The following TTN variants were observed in gnomAD, a reference collection of about 807,000 sequenced individuals.
TTN encodes the protein titin.
TTN carries 1,525 observed loss-of-function variants against 3,223.0 expected under a neutral mutation model. The ratio of observed to expected loss-of-function variants is 0.47; its 90% CI spans 0.45 to 0.49. The LOEUF (loss-of-function observed/expected upper bound fraction) is 0.49. Ranked by LOEUF, TTN falls within the 20% of genes least tolerant of loss-of-function variation. The pLI, the probability that TTN is intolerant of heterozygous loss-of-function variation, is 0.00. For synonymous variants in TTN, 14,094 were observed against 15,161.0 expected, an observed-to-expected ratio of 0.93 and a Z score of 5.17; for missense variants, 40,786 against 43,424.0, an observed-to-expected ratio of 0.94 and a Z score of 5.40.
intron 6 of TTN, among the ~76,000 whole-genome samples, chr2:178,796,722 T>TA (rs2093789212): frequency 6.6e-6 from 1 of 152,164 alleles, no homozygotes; most frequent in South Asian, 2.1e-4. Flanking sequence ...ATGGGTTTAA[T>TA]TCAAAAAGAG....
chr2:178,553,162 G>A lies in TTN; in HGVS notation c.89738C>T (p.Thr29913Ile), dbSNP rs1222720970. ...AGGTTCACCAACTCCATTTTCTATT[G>A]TGAGAATATATTTTCCTGTATCATT... is the stretch of plus-strand genomic sequence containing the variant. ...TRNDTGKYILTIENGVGEPKS... is the reference protein window; with the variant it reads ...TRNDTGKYILIIENGVGEPKS... Residue 29913 changes from threonine (T) to isoleucine (I), a missense_variant, in exon 335 of 363, where the codon ACA becomes ATA. Physicochemically the swap from Thr to Ile is moderately conservative, Grantham distance 89. Coordinates refer to ENST00000589042, the MANE Select transcript of TTN (RefSeq NM_001267550.2). 8.7e-6 allele frequency: 14 copies of A among 1,613,432 alleles called. No individual in the cohort carries two copies. Among genetic ancestry groups the A allele is most frequent in the African/African-American group, 4.0e-5 (3 of 74,940 alleles).
In TTN at chr2:178,694,849, T is replaced by C; in HGVS notation, c.31328A>G (p.Glu10443Gly). Residue 10443 changes from glutamate to glycine, a missense_variant, in exon 116 of 363, where the codon GAA becomes GGA. Coordinates refer to ENST00000589042, the MANE Select transcript of TTN (RefSeq NM_001267550.2). Reference protein sequence around the residue: ...IEKTSRRMEEEKVQVTKVPEV... With the variant: ...IEKTSRRMEEGKVQVTKVPEV... ...AATACCTTTGGTGACTTGAACTTTT[T>C]CTTCCTCCATTCTTCGAGAAGTCTT... The C allele has an allele frequency of 6.4e-7, 1 of 1,559,630 alleles. No homozygotes were observed. The highest frequency in any genetic ancestry group is 1.2e-5 in the South Asian group (1 of 84,664).
rs200355808 is a variant in TTN, at chr2:178,584,960, C to T, written c.64681G>A (p.Gly21561Ser). 61 of 1,612,844 alleles carry T rather than the reference C, an allele frequency of 3.8e-5. No homozygotes were observed. Among genetic ancestry groups the T allele is most frequent in the East Asian group, 1.3e-4 (6 of 44,736 alleles). The stretch of plus-strand genomic sequence containing the variant: ...ATGTCAAATGGAGGCTGAGGGGGGC[C>T]GGGGGCATCTACATGAACCAAGAGG... ...KIKVVVMDAP[G>S]PPQPPFDISD... is the part of the protein sequence containing the mutation. The change falls in exon 310 of 363, where the codon GGC becomes AGC. Residue 21561 changes from glycine (G) to serine (S), a missense_variant. Physicochemically the swap from Gly to Ser is moderately conservative, Grantham distance 56 (BLOSUM62 0). Transcript: ENST00000589042.
In TTN at chr2:178,735,010, G is replaced by A. The variant is rs377236581; in HGVS notation, c.14936-22C>T. 10 of 1,506,102 alleles carry A rather than the reference G, an allele frequency of 6.6e-6. No individual in the cohort carries two copies. The Admixed American group carries it at 1.2e-4, about 18-fold the overall frequency. 93.3% of individuals were successfully genotyped at this position (1,506,102 alleles called of 1,614,324 possible). ...GGCTCTACATGAAGTTTACAAAAAA[G>A]AAAAAGGAGAAGATATCTGAAACAT... On this transcript the variant is annotated intron_variant, in intron 50 of 362. Coordinates refer to ENST00000589042, the MANE Select transcript of TTN (RefSeq NM_001267550.2).
Position 178,672,246 on chromosome 2 carries a change from T to G in TTN, c.34952A>C (p.Lys11651Thr), listed in dbSNP as rs373656002. The change falls in exon 155 of 363, where the codon AAA becomes ACA. Residue 11651 changes from lysine (K) to threonine (T), a missense_variant. Physicochemically the swap from Lys to Thr is moderately conservative, Grantham distance 78. Coordinates refer to ENST00000589042, the MANE Select transcript of TTN (RefSeq NM_001267550.2). ...TTCTTGGCGGAAGGCAACTGATACT[T>G]TTTCTTCAAGGACAGTTCTCCCTGA... Reference protein sequence around the residue: ...PAKGRTVLEEKVSVAFRQEVV... With the variant: ...PAKGRTVLEETVSVAFRQEVV... 3.8e-6 allele frequency: 6 copies of G among 1,573,274 alleles called. No homozygotes were observed. In the African/African-American group the frequency reaches 8.2e-5, roughly 21 times the overall value.
Position 178,527,612 on chromosome 2 carries a change from G to T in TTN, c.107514C>A (p.Ser35838Arg). 6.2e-7 allele frequency: 1 copy of T among 1,613,962 alleles called. No homozygotes were observed. The highest frequency in any genetic ancestry group is 8.5e-7 in the Non-Finnish European group (1 of 1,179,848). Residue 35838 changes from serine (S) to arginine (R), a missense_variant, in exon 362 of 363, where the codon AGC (serine) becomes AGA (arginine). Ser to Arg is a moderately radical substitution (Grantham distance 110). Transcript: ENST00000589042. ...QEASFSSFSSSSASSMTEMKF... is the reference protein window; with the variant it reads ...QEASFSSFSSRSASSMTEMKF... ...TCATCTCAGTCATGCTGCTAGCACT[G>T]CTGCTGCTGAAACTGCTGAAGGAGG...
intron 350 of TTN, among the ~76,000 whole-genome samples, chr2:178,540,668 C>T (rs527370642): frequency 6.6e-6 from 1 of 152,112 alleles, no homozygotes; most frequent in African/African-American, 2.4e-5. Context: ...TGGTGGCAGG[C>T]ACCTGTAATC....
rs778412304 is a variant in TTN at position 178,738,330 on chromosome 2, G to A, written c.14123C>T (p.Pro4708Leu). 5.0e-6 allele frequency: 8 copies of A among 1,612,956 alleles called. No individual in the cohort carries two copies. The highest frequency in any genetic ancestry group is 6.8e-6 in the Non-Finnish European group (8 of 1,179,278). ...TAGGTGGCCCAGTGCTACTTCCAGG[G>A]GTTCGATTTTCCTCTTGATCACTGG... ...AAPVIKRKIE[P>L]LEVALGHLAK... Residue 4708 changes from proline (P) to leucine (L), a missense_variant, in exon 49 of 363, where the codon CCC becomes CTC. Coordinates refer to ENST00000589042, the MANE Select transcript of TTN (RefSeq NM_001267550.2).
At position 178,557,380 on chromosome 2, in the gene TTN, T is replaced by C. The variant is rs530907775; in HGVS notation, c.87882A>G (p.Thr29294=). Residue 29294 remains threonine, a synonymous_variant, in exon 329 of 363, where the codon ACA becomes ACG. Transcript: ENST00000589042. ...TGATTGTTGTGACTTTGAAGTGAGTTGTGCGGATGACCAGTTTGTTGGCTT... is the reference window on the plus strand; with the variant it reads ...TGATTGTTGTGACTTTGAAGTGAGTCGTGCGGATGACCAGTTTGTTGGCTT... ...WQKANKLVIR[T]THFKVTTISA... is the part of the protein sequence containing the mutation. 1.2e-6 allele frequency: 2 copies of C among 1,613,968 alleles called. No homozygotes were observed. Among genetic ancestry groups the C allele is most frequent in the Admixed American group, 1.7e-5 (1 of 60,018 alleles).
At chr2:178,774,745 G>A (rs1561269064) in intron 29 of TTN, 176 bp downstream of exon 29, 5 of 835,432 alleles carry the variant, frequency 6.0e-6, no homozygotes, top group Non-Finnish European at 5.4e-6. Context: ...AAATCCAAAT[G>A]GTCAAATTGT....
intron 102 of TTN, among the ~76,000 whole-genome samples, chr2:178,705,854 T>G (rs2075787565): frequency 6.6e-6 from 1 of 152,174 alleles, no homozygotes; most frequent in South Asian, 2.1e-4. Context: ...ATTCATAACA[T>G]AAGAAATCAT....
In TTN at chr2:178,653,218, C is replaced by A; in HGVS notation, c.38791+20G>T. 6.2e-7 allele frequency: 1 copy of A among 1,610,614 alleles called. No individual in the cohort carries two copies. The highest frequency in any genetic ancestry group is 8.5e-7 in the Non-Finnish European group (1 of 1,178,946). Reference sequence around the variant, plus strand: ...GCAAAAGAATTAGATCATCTGAAGCCTAAGGTCAGTGACAAATACCTTTAA... The same window carrying A: ...GCAAAAGAATTAGATCATCTGAAGCATAAGGTCAGTGACAAATACCTTTAA... On this transcript the variant is annotated intron_variant, in intron 198 of 362. Transcript: ENST00000589042.
chr2:178,720,813 A>T, intron 79 of TTN, 108 bp downstream of exon 79: 10 of 1,413,334 alleles, frequency 7.1e-6, no homozygotes, highest in Non-Finnish European at 9.4e-6. Flanking sequence ...CTTGTTGAAG[A>T]ATTGCAACCA....
chr2:178,765,149 G>A (rs776320117), intron 41 of TTN, among the ~76,000 whole-genome samples: 12 of 152,136 alleles, frequency 7.9e-5, no homozygotes, highest in East Asian at 3.9e-4. Context: ...AATAACTTCC[G>A]TGTGCTACCT....
In TTN at chr2:178,757,812, G is replaced by A. The variant is rs767525312; in HGVS notation, c.10408C>T (p.Pro3470Ser). 3 of 1,610,106 alleles carry A rather than the reference G, an allele frequency of 1.9e-6. No homozygotes were observed. The highest frequency in any genetic ancestry group is 2.5e-6 in the Non-Finnish European group (3 of 1,177,436). The change falls in exon 45 of 363, where the codon CCT (proline) becomes TCT (serine). Residue 3470 changes from proline (P) to serine (S), a missense_variant. Coordinates refer to ENST00000589042, the MANE Select transcript of TTN (RefSeq NM_001267550.2). Reference sequence around the variant, plus strand: ...TTGTGCACCCTGAGGCTTGACAGAGGCTGGATGAAGCTGGGCTTTTGGCCA... The same window carrying A: ...TTGTGCACCCTGAGGCTTGACAGAGACTGGATGAAGCTGGGCTTTTGGCCA... ...PLGQKPSFIQPLSSLRVHNGE... is the reference protein window; with the variant it reads ...PLGQKPSFIQSLSSLRVHNGE...
chr2:178,786,124 C>CT lies in TTN; in HGVS notation c.2093dup (p.Ala699GlyfsTer2). ...CAACAACTGTTGCTACAGCTTCAGC[C>CT]TTTTTTCCAACGTCCACCTGGAGAC... On this transcript the variant is annotated frameshift_variant, in exon 14 of 363. Coordinates refer to ENST00000589042, the MANE Select transcript of TTN (RefSeq NM_001267550.2). LOFTEE classifies it high-confidence loss of function. 1 of 1,613,850 alleles carries CT rather than the reference C, an allele frequency of 6.2e-7. No individual in the cohort carries two copies. Among genetic ancestry groups the CT allele is most frequent in the Non-Finnish European group, 8.5e-7 (1 of 1,179,980 alleles).
Position 178,653,064 on chromosome 2 carries a change from T to G in TTN, c.38852A>C (p.Lys12951Thr), listed in dbSNP as rs749967344. 1.2e-6 allele frequency: 2 copies of G among 1,613,268 alleles called. No individual in the cohort carries two copies. The highest frequency in any genetic ancestry group is 3.3e-5 in the Admixed American group (2 of 59,958). ...ACCTTTAACAGGTGGGACTTCAGGT[T>G]TTTTAGGAGGAGTCACTGGCACTTT... Reference protein sequence around the residue: ...EKKVPVTPPKKPEVPPVKVPE... With the variant: ...EKKVPVTPPKTPEVPPVKVPE... The change falls in exon 199 of 363, where the codon AAA (lysine) becomes ACA (threonine). Residue 12951 changes from lysine to threonine, a missense_variant. Coordinates refer to ENST00000589042, the MANE Select transcript of TTN (RefSeq NM_001267550.2).
At position 178,529,148 on chromosome 2, in the gene TTN, C is replaced by T. The variant is rs1553481274; in HGVS notation, c.106603G>A (p.Val35535Ile). 6.3e-7 allele frequency: 1 copy of T among 1,577,502 alleles called. No homozygotes were observed. The highest frequency in any genetic ancestry group is 1.9e-5 in the Admixed American group (1 of 52,960). Reference protein sequence around the residue: ...TSEITPQKKAVVQEEISQKAL... With the variant: ...TSEITPQKKAIVQEEISQKAL... ...TTTTGGGAAATTTCCTCTTGGACAACAGCTTTCTTCTGAGGTGTAATTTCA... is the reference window on the plus strand; with the variant it reads ...TTTTGGGAAATTTCCTCTTGGACAATAGCTTTCTTCTGAGGTGTAATTTCA... The change falls in exon 360 of 363, where the codon GTT (valine) becomes ATT (isoleucine). Residue 35535 changes from valine (V) to isoleucine (I), a missense_variant. Physicochemically the swap from Val to Ile is conservative, Grantham distance 29. Coordinates refer to ENST00000589042, the MANE Select transcript of TTN (RefSeq NM_001267550.2).
intron 165 of TTN, 141 bp downstream of exon 165, chr2:178,665,236 A>C: frequency 1.2e-6 from 1 of 861,968 alleles, no homozygotes; most frequent in Non-Finnish European, 1.8e-6. Flanking sequence ...TTTAGAGGAA[A>C]CTTCCTGTGG....
Sources: gnomAD v4.1 joint callset for allele counts (sites outside exome capture counted in the v4.1 genomes callset) on GRCh38, gnomAD v4.1.1 for gene constraint, MANE v1.5 for transcripts, NCBI Gene and HGNC (gene_info 2026-07-23, HGNC 2026-07-21) for gene names.